DOCK8: variants seen among roughly 807,000 people sequenced by gnomAD.
The protein encoded by DOCK8 is dedicator of cytokinesis protein 8.
Under a neutral mutation model 245.6 loss-of-function variants are expected in DOCK8, and 141 were observed. That is an observed-to-expected ratio of 0.57 (90% CI 0.50 to 0.66). The LOEUF is 0.66. Ranked by LOEUF, DOCK8 falls within the 30% of genes least tolerant of loss-of-function variation. The pLI is 0.00. For missense variants in DOCK8, 2,965 were observed against 2,603.4 expected, an observed-to-expected ratio of 1.14 and a Z score of -3.02; for synonymous variants, 1,168 against 970.2, an observed-to-expected ratio of 1.20 and a Z score of -3.79.
rs553654386 is a variant in DOCK8, at chr9:370,400, T to C, written c.1868+100T>C. 1.3e-4 allele frequency: 130 copies of C among 1,039,674 alleles called. 2 individuals are homozygous for C. The Admixed American group carries it at 2.3e-3, about 18-fold the overall frequency. 64.4% of individuals were successfully genotyped at this position (1,039,674 alleles called of 1,614,324 possible). ...TGGTTCCTCCTAACTATTTTTATAA[T>C]TCAGGGACTGAGGGGCAAAGGAAAT... On this transcript the variant is annotated intron_variant, in intron 16 of 47. Coordinates refer to ENST00000432829, the MANE Select transcript of DOCK8 (RefSeq NM_203447.4).
At chr9:337,336 C>T (rs914609098) in intron 12 of DOCK8, among the ~76,000 whole-genome samples, 1 of 152,302 alleles carries the variant, frequency 6.6e-6, no homozygotes. Flanking sequence ...TCAAGCTCTT[C>T]TTAGAGTGCC....
chr9:359,116 G>A (rs547612568), intron 14 of DOCK8, among the ~76,000 whole-genome samples: 1 of 152,306 alleles, frequency 6.6e-6, no homozygotes, highest in South Asian at 2.1e-4. Flanking sequence ...TGCTGACGCT[G>A]ACGTTGATGC....
At chr9:307,005 A>T (rs940869352) in intron 5 of DOCK8, among the ~76,000 whole-genome samples, 2 of 152,162 alleles carry the variant, frequency 1.3e-5, no homozygotes, top group African/African-American at 4.8e-5. Flanking sequence ...AGGAGGTAAG[A>T]TAAGGGTGAT....
At chr9:283,585 C>A (rs973382177) in intron 2 of DOCK8, among the ~76,000 whole-genome samples, 1 of 152,136 alleles carries the variant, frequency 6.6e-6, no homozygotes, top group Non-Finnish European at 1.5e-5. Context: ...TCATGTCTAG[C>A]ATTCTGTGTC....
At chr9:442,126 A>C in intron 42 of DOCK8, 117 bp downstream of exon 42, 4 of 1,444,202 alleles carry the variant, frequency 2.8e-6, no homozygotes, top group Non-Finnish European at 3.8e-6. Context: ...ATCTCTACAT[A>C]AAGTTTTCCC....
Position 405,916 on chromosome 9 carries a change from C to G in DOCK8, c.3390+843C>G, listed in dbSNP as rs1357163831. ...CTTTTTGCTCCATCCTGCCCAGCAG[C>G]TTAAGTCCTAAAACTTCCCTGGACT... On this transcript the variant is annotated intron_variant, in intron 27 of 47. Coordinates refer to ENST00000432829, the MANE Select transcript of DOCK8 (RefSeq NM_203447.4). 5.3e-5 allele frequency among the ~76,000 whole-genome samples: 8 copies of G among 152,338 alleles called. No homozygotes were observed. In the East Asian group the frequency reaches 1.5e-3, roughly 29 times the overall value.
At chr9:370,330 G>A in intron 16 of DOCK8, 30 bp downstream of exon 16, 1 of 1,596,836 alleles carries the variant, frequency 6.3e-7, no homozygotes, top group Non-Finnish European at 8.6e-7. Flanking sequence ...CTAAATATAT[G>A]CCAAGATGGT....
chr9:292,431 G>T (rs2049085257), intron 4 of DOCK8, among the ~76,000 whole-genome samples: 1 of 138,034 alleles, frequency 7.2e-6, no homozygotes, highest in Non-Finnish European at 1.5e-5. Flanking sequence ...GACACTACAT[G>T]CATGAATCCT....
At chr9:301,504 G>A (rs1326238582) in intron 4 of DOCK8, among the ~76,000 whole-genome samples, 3 of 152,140 alleles carry the variant, frequency 2.0e-5, no homozygotes. Context: ...GAGAAATCAG[G>A]CAAGAAAAAG....
At chr9:216,537 C>CAAAAAAAAAAAAAACAAAAAAAA (rs2046757136) in intron 1 of DOCK8, among the ~76,000 whole-genome samples, 1 of 88,922 alleles carries the variant, frequency 1.1e-5, no homozygotes, top group African/African-American at 4.5e-5. Context: ...AAAAAACAGA[C>CAAAAAAAAAAAAAACAAAAAAAA]AAAAAAAAAA....
At chr9:370,010 C>T (rs549965174) in intron 15 of DOCK8, 6 of 589,216 alleles carry the variant, frequency 1.0e-5, no homozygotes, top group Non-Finnish European at 1.5e-5. Flanking sequence ...GCCATGTTGC[C>T]CAGGCTGGTC....
chr9:214,165 CT>C, upstream of DOCK8: 1 of 312,388 alleles, frequency 3.2e-6, no homozygotes, highest in South Asian at 3.3e-5. Context: ...AACACTGGGA[CT>C]TTTCTGTTTT....
At chr9:341,548 C>T (rs1453987440) in intron 14 of DOCK8, among the ~76,000 whole-genome samples, 1 of 152,230 alleles carries the variant, frequency 6.6e-6, no homozygotes. Context: ...TCTCCAGTCA[C>T]AGACTTTTAC....
rs775911518 is a variant in DOCK8, at chr9:260,653, A to G, written c.54-10974A>G. On this transcript the variant is annotated intron_variant, in intron 1 of 47. Transcript: ENST00000432829. ...TTTCTGAATTTTTTTGTGCTGGCAG[A>G]AAACTAGAAACAACAGAAATGAATG... Among the ~76,000 whole-genome samples the G allele has an allele frequency of 6.1e-4, 93 of 152,234 alleles. 1 individual carries two copies. The highest frequency in any genetic ancestry group is 8.7e-4 in the Non-Finnish European group (59 of 68,040).
intron 14 of DOCK8, among the ~76,000 whole-genome samples, chr9:363,205 C>A (rs181420741): frequency 6.6e-6 from 1 of 152,150 alleles, no homozygotes. Flanking sequence ...CACTTTTGTC[C>A]ACATTTGGGG....
intron 1 of DOCK8, 33 bp downstream of exon 1, chr9:215,062 C>T (rs764752801): frequency 7.7e-6 from 12 of 1,551,406 alleles, no homozygotes; most frequent in Middle Eastern, 3.6e-4. Flanking sequence ...CAGGTTGCGG[C>T]CGGACAGCCC....
rs189303563 is a variant in DOCK8, at chr9:292,710, A to G, written c.404+3129A>G. 8.7e-4 allele frequency among the ~76,000 whole-genome samples: 132 copies of G among 152,164 alleles called. 1 individual carries two copies. Among genetic ancestry groups the G allele is most frequent in the African/African-American group, 2.9e-3 (122 of 41,542 alleles). On this transcript the variant is annotated intron_variant, in intron 4 of 47. Transcript: ENST00000432829. ...ATGTATTAAAAATGTCTTCCCCAGT[A>G]TGCCTTTTGTCTTTTAAAGTTGTTT...
intron 22 of DOCK8, among the ~76,000 whole-genome samples, chr9:384,828 A>G (rs1586859052): frequency 6.6e-6 from 1 of 152,218 alleles, no homozygotes; most frequent in Non-Finnish European, 1.5e-5. Context: ...AGGCAGGAGA[A>G]TGGCGTGAAC....
Position 234,994 on chromosome 9 carries a change from T to G in DOCK8, c.53+19965T>G, listed in dbSNP as rs2047211882. ...CACTCTCATTTTTAGAGTTTCCAGT[T>G]TTTCTGCTCTGTTTTTTTCCCATCT... On this transcript the variant is annotated intron_variant, in intron 1 of 47. Transcript: ENST00000432829. Among the ~76,000 whole-genome samples, 7 of 152,314 alleles carry G rather than the reference T, an allele frequency of 4.6e-5. No homozygotes were observed. The South Asian group carries it at 1.5e-3, about 32-fold the overall frequency.
Sources: allele counts gnomAD v4.1 joint callset (sites outside exome capture counted in the v4.1 genomes callset), GRCh38; gene constraint gnomAD v4.1.1; transcripts MANE v1.5; gene names NCBI Gene and HGNC (gene_info 2026-07-23, HGNC 2026-07-21).